The following MTHFD1 variants were observed in gnomAD, a reference collection of about 807,000 sequenced individuals.
MTHFD1 encodes methylenetetrahydrofolate dehydrogenase, cyclohydrolase and formyltetrahydrofolate synthetase 1.
MTHFD1 carries 44 observed loss-of-function variants against 110.3 expected under a neutral mutation model. The ratio of observed to expected loss-of-function variants is 0.40; its 90% CI spans 0.31 to 0.51. The LOEUF (loss-of-function observed/expected upper bound fraction) is 0.51, where lower values mean the gene tolerates loss of function less well. Ranked by LOEUF, MTHFD1 falls within the 20% of genes least tolerant of loss-of-function variation. The pLI, the probability that MTHFD1 is intolerant of heterozygous loss-of-function variation, is 0.60. For missense variants in MTHFD1, 909 were observed against 1,173.1 expected, an observed-to-expected ratio of 0.77 and a Z score of 3.29; for synonymous variants, 402 against 428.8, an observed-to-expected ratio of 0.94 and a Z score of 0.77.
intron 10 of MTHFD1, 79 bp from the exon 11 acceptor site, chr14:64,425,940 G>T: frequency 6.3e-7 from 1 of 1,591,312 alleles, no homozygotes; most frequent in South Asian, 1.1e-5. Flanking sequence ...GTTGGGGTTG[G>T]GTTGGGGGCT....
intron 24 of MTHFD1, among the ~76,000 whole-genome samples, chr14:64,451,143 A>G (rs1413675413): frequency 6.6e-6 from 1 of 152,096 alleles, no homozygotes. Context: ...TAGCCTGGGC[A>G]ACAAGTGCGA....
rs979892301 is a variant in MTHFD1 at position 64,425,737 on chromosome 14, T to C, written c.863T>C (p.Val288Ala). Reference protein sequence around the residue: ...MTVAMLMQSTVESAKRFLEKF... With the variant: ...MTVAMLMQSTAESAKRFLEKF... ...TTATTTCATTTTGCTTAGAGCACAG[T>C]AGAGAGTGCCAAGCGTTTCCTGGAG... Residue 288 changes from valine to alanine, a missense_variant, in exon 10 of 28, where the codon GTA becomes GCA. Physicochemically the swap from Val to Ala is moderately conservative, Grantham distance 64. Around this residue, in one of 3 missense-constraint regions of MTHFD1, gnomAD observed 424 missense variants for 510.4 expected, o/e 0.83. Transcript: ENST00000652337. 1 of 1,612,080 alleles carries C rather than the reference T, an allele frequency of 6.2e-7. No individual in the cohort carries two copies. The highest frequency in any genetic ancestry group is 1.1e-5 in the South Asian group (1 of 91,000).
At chr14:64,430,312 C>G (rs993789848) in intron 13 of MTHFD1, 82 bp downstream of exon 13, 43 of 1,297,724 alleles carry the variant, frequency 3.3e-5, no homozygotes, top group Non-Finnish European at 4.5e-5. Context: ...CCCTTTTTTT[C>G]CCCATGACGG....
chr14:64,418,295 T>C (rs1358513011), intron 7 of MTHFD1, among the ~76,000 whole-genome samples: 1 of 151,048 alleles, frequency 6.6e-6, no homozygotes, highest in Non-Finnish European at 1.5e-5. Context: ...CAAAAAAAAT[T>C]AAAAATTAGC....
intron 12 of MTHFD1, among the ~76,000 whole-genome samples, chr14:64,429,042 C>G (rs2078139104): frequency 1.3e-5 from 2 of 151,594 alleles, no homozygotes; most frequent in Admixed American, 1.3e-4. Flanking sequence ...ATTAATATAT[C>G]TCTGGGCTGG....
chr14:64,431,396 T>C, intron 13 of MTHFD1, 136 bp from the exon 14 acceptor site: 3 of 730,534 alleles, frequency 4.1e-6, no homozygotes, highest in South Asian at 1.5e-5. Context: ...ACTCCCTATA[T>C]TGGGTGTTTG....
chr14:64,396,984 A>G (rs2077854408), intron 1 of MTHFD1, among the ~76,000 whole-genome samples: 1 of 144,946 alleles, frequency 6.9e-6, no homozygotes, highest in African/African-American at 2.5e-5. Context: ...GGGCGCCTGT[A>G]GTCCCAGCTA....
Position 64,412,540 on chromosome 14 carries a change from G to C in MTHFD1, c.240+15G>C, listed in dbSNP as rs2077992706. On this transcript the variant is annotated intron_variant, in intron 4 of 27. Transcript: ENST00000652337. ...CAGAATCTGAGGTGAGCTTTTATGA[G>C]TTGATTGTGAAGAGGGAAGGTGAAG... The C allele has an allele frequency of 6.2e-7, 1 of 1,607,268 alleles. No individual in the cohort carries two copies. The highest frequency in any genetic ancestry group is 8.5e-7 in the Non-Finnish European group (1 of 1,174,238).
At chr14:64,429,272 G>GTATATATATATATATATAT (rs2078141156) in intron 12 of MTHFD1, among the ~76,000 whole-genome samples, 3 of 41,610 alleles carry the variant, frequency 7.2e-5, no homozygotes, top group Non-Finnish European at 1.1e-4. Context: ...ATATATATCT[G>GTATATATATATATATATAT]ATTTACATTT....
At position 64,453,080 on chromosome 14, in the gene MTHFD1, T is replaced by C. The variant is rs535943597; in HGVS notation, c.2458-674T>C. On this transcript the variant is annotated intron_variant, in intron 24 of 27. Coordinates refer to ENST00000652337, the MANE Select transcript of MTHFD1 (RefSeq NM_005956.4). ...ATTATTCTTGGGTAGTCAGCAACAC[T>C]GTTTATGATGTACTTAGCGAGAGAT... 6.6e-5 allele frequency among the ~76,000 whole-genome samples: 10 copies of C among 152,050 alleles called. No homozygotes were observed. In the East Asian group the frequency reaches 1.9e-3, roughly 29 times the overall value.
At position 64,426,112 on chromosome 14, in the gene MTHFD1, T is replaced by G. The variant is rs762689175; in HGVS notation, c.1047T>G (p.Gly349=). 5 of 1,614,054 alleles carry G rather than the reference T, an allele frequency of 3.1e-6. No individual in the cohort carries two copies. Among genetic ancestry groups the G allele is most frequent in the Non-Finnish European group, 4.2e-6 (5 of 1,180,026 alleles). ...GLLSEEVELY[G]ETKAKVLLSA... ...TGTCTGAAGAGGTAGAATTATATGG[T>G]GAAACAAAGGCCAAAGTTCTGCTGT... The change falls in exon 11 of 28, where the codon GGT becomes GGG. Residue 349 remains glycine, a synonymous_variant. Coordinates refer to ENST00000652337, the MANE Select transcript of MTHFD1 (RefSeq NM_005956.4).
Position 64,417,824 on chromosome 14 carries a change from C to A in MTHFD1, c.479-64C>A. ...TTGTGCACTTATTCTAATTTCTCCA[C>A]GTGGCATGCGAAGGAGGGCAGCTTC... On this transcript the variant is annotated intron_variant, in intron 6 of 27. Transcript: ENST00000652337. The surrounding 1 kb of genome is among the most constrained non-coding windows in gnomAD (Gnocchi z 4.4). The A allele has an allele frequency of 6.2e-7, 1 of 1,602,224 alleles. No homozygotes were observed. Among genetic ancestry groups the A allele is most frequent in the Non-Finnish European group, 8.5e-7 (1 of 1,171,556 alleles).
intron 22 of MTHFD1, among the ~76,000 whole-genome samples, chr14:64,446,414 C>T (rs1419364848): frequency 6.6e-6 from 1 of 152,146 alleles, no homozygotes; most frequent in Non-Finnish European, 1.5e-5. Flanking sequence ...TTGGCCCAGT[C>T]CCCCTTGGAG....
At chr14:64,448,061 A>G in intron 22 of MTHFD1, 156 bp from the exon 23 acceptor site, 1 of 678,610 alleles carries the variant, frequency 1.5e-6, no homozygotes, top group Non-Finnish European at 2.7e-6. Flanking sequence ...ACCGCACTGG[A>G]AAAAATGCAC....
At chr14:64,388,931 T>A (rs186081215) in intron 1 of MTHFD1, 116 of 198,374 alleles carry the variant, frequency 5.8e-4, no homozygotes, top group African/African-American at 2.6e-3. Flanking sequence ...TATACCATAG[T>A]CTTATCATAC....
At position 64,431,818 on chromosome 14, in the gene MTHFD1, A is replaced by C. The variant is rs777019112; in HGVS notation, c.1451A>C (p.Asn484Thr). Residue 484 changes from asparagine (N) to threonine (T), a missense_variant, in exon 15 of 28, where the codon AAT (asparagine) becomes ACT (threonine). Physicochemically the swap from Asn to Thr is moderately conservative, Grantham distance 65 (BLOSUM62 0). Around this residue, in one of 3 missense-constraint regions of MTHFD1, gnomAD observed 482 missense variants for 646.0 expected, o/e 0.75. Coordinates refer to ENST00000652337, the MANE Select transcript of MTHFD1 (RefSeq NM_005956.4). Reference sequence around the variant, plus strand: ...TTTAATCGTTTGGTGCCATCAGTAAATGGAGTGAGAAGGTTCTCTGACATC... The same window carrying C: ...TTTAATCGTTTGGTGCCATCAGTAACTGGAGTGAGAAGGTTCTCTGACATC... ...ALFNRLVPSV[N>T]GVRRFSDIQI... 15 of 1,614,232 alleles carry C rather than the reference A, an allele frequency of 9.3e-6. No homozygotes were observed. Among genetic ancestry groups the C allele is most frequent in the Non-Finnish European group, 1.2e-5 (14 of 1,180,038 alleles).
At chr14:64,389,910 T>C (rs1053790170) in intron 1 of MTHFD1, among the ~76,000 whole-genome samples, 7 of 152,198 alleles carry the variant, frequency 4.6e-5, no homozygotes, top group African/African-American at 1.7e-4. Context: ...TGCATAATAA[T>C]AGTGCAGATA....
intron 24 of MTHFD1, 49 bp downstream of exon 24, chr14:64,449,671 A>G: frequency 6.3e-7 from 1 of 1,599,672 alleles, no homozygotes; most frequent in South Asian, 1.1e-5. Flanking sequence ...AAAAGGGCAC[A>G]GTGAAGTTTC....
At chr14:64,432,377 C>G (rs1238788344) in intron 15 of MTHFD1, among the ~76,000 whole-genome samples, 2 of 152,182 alleles carry the variant, frequency 1.3e-5, no homozygotes, top group Non-Finnish European at 2.9e-5. Context: ...ACCCAGAAAT[C>G]TCACCCAAAA....
Sources: allele counts gnomAD v4.1 joint callset (sites outside exome capture counted in the v4.1 genomes callset), GRCh38; gene constraint gnomAD v4.1.1; regional missense constraint gnomAD v4.1.1; non-coding constraint Gnocchi (gnomAD v3.1); transcripts MANE v1.5; gene names NCBI Gene and HGNC (gene_info 2026-07-23, HGNC 2026-07-21).